CACNB2: variants seen among roughly 807,000 people sequenced by gnomAD.
CACNB2 encodes the protein calcium voltage-gated channel auxiliary subunit beta 2.
In CACNB2, 42 loss-of-function variants were observed where a neutral mutation model predicts 73.3. The ratio of observed to expected loss-of-function variants is 0.57; its 90% CI spans 0.45 to 0.74. The LOEUF (loss-of-function observed/expected upper bound fraction) is 0.74, where lower values mean the gene tolerates loss of function less well. Among genes scored for constraint, CACNB2 ranks in the 30% least tolerant of loss-of-function variants. The probability of loss-of-function intolerance (pLI) is 0.00; values close to 1 mark genes in which losing one functional copy is unlikely to be tolerated. For missense variants in CACNB2, 940 were observed against 853.0 expected (o/e 1.10, Z -1.27); for synonymous variants, 348 against 310.3 (o/e 1.12, Z -1.28).
chr10:18,372,367 A>T (rs933289155), intron 2 of CACNB2, among the ~76,000 whole-genome samples: 5 of 151,952 alleles, frequency 3.3e-5, no homozygotes, highest in African/African-American at 1.2e-4. Flanking sequence ...ATCCATCTTG[A>T]ATTAGTTTTT....
At chr10:18,365,277 G>C (rs1167262110) in intron 2 of CACNB2, among the ~76,000 whole-genome samples, 1 of 152,188 alleles carries the variant, frequency 6.6e-6, no homozygotes, top group Non-Finnish European at 1.5e-5. Context: ...CTTTGAACGA[G>C]TTATTTACCC....
intron 4 of CACNB2, among the ~76,000 whole-genome samples, chr10:18,499,962 C>A (rs1306043701): frequency 1.3e-5 from 2 of 152,048 alleles, no homozygotes; most frequent in Admixed American, 1.3e-4. Flanking sequence ...CAGAGCAAGA[C>A]CCTGTCTTGA....
At chr10:18,457,906 A>G (rs77944759) in intron 3 of CACNB2, among the ~76,000 whole-genome samples, 3,482 of 152,286 alleles carry the variant, frequency 0.023, 148 homozygotes, top group African/African-American at 0.078. Flanking sequence ...AGGAAAAAAA[A>G]AAGGAGAAAA....
chr10:18,252,860 A>AAGGTAGAC (rs2037142456), intron 2 of CACNB2, among the ~76,000 whole-genome samples: 1 of 152,148 alleles, frequency 6.6e-6, no homozygotes, highest in Non-Finnish European at 1.5e-5. Flanking sequence ...GAACCTCTGA[A>AAGGTAGAC]AGGTAGGCAG....
chr10:18,225,127 C>A (rs1588754980), intron 2 of CACNB2, among the ~76,000 whole-genome samples: 1 of 151,748 alleles, frequency 6.6e-6, no homozygotes, highest in African/African-American at 2.4e-5. Context: ...TTTGGCTGCA[C>A]ATAATAAGCT....
chr10:18,192,106 C>G (rs1405112752), intron 2 of CACNB2, among the ~76,000 whole-genome samples: 1 of 151,576 alleles, frequency 6.6e-6, no homozygotes. Flanking sequence ...AAATCGTCTC[C>G]TCTGATCTCC....
At chr10:18,278,459 C>T (rs1189783344) in intron 2 of CACNB2, among the ~76,000 whole-genome samples, 1 of 151,974 alleles carries the variant, frequency 6.6e-6, no homozygotes, top group African/African-American at 2.4e-5. Context: ...AGGAAGGCCA[C>T]AGTCTTATGT....
At chr10:18,286,398 G>C (rs1228621279) in intron 2 of CACNB2, among the ~76,000 whole-genome samples, 1 of 151,562 alleles carries the variant, frequency 6.6e-6, no homozygotes, top group Non-Finnish European at 1.5e-5. Context: ...GGCGCCTGTA[G>C]TCCCAGCTAC....
At chr10:18,502,308 A>AG (rs1033064115) in intron 5 of CACNB2, among the ~76,000 whole-genome samples, 7 of 24,846 alleles carry the variant, frequency 2.8e-4, no homozygotes, top group African/African-American at 2.1e-3. Flanking sequence ...ACTCTATCTC[A>AG]AAAAAAAAAG....
chr10:18,353,655 G>T (rs991727332), intron 2 of CACNB2, among the ~76,000 whole-genome samples: 3 of 152,164 alleles, frequency 2.0e-5, no homozygotes, highest in African/African-American at 4.8e-5. Flanking sequence ...TGATAAGAAA[G>T]AATACAATAT....
At chr10:18,503,246 G>A (rs976396085) in intron 5 of CACNB2, among the ~76,000 whole-genome samples, 2 of 152,154 alleles carry the variant, frequency 1.3e-5, no homozygotes, top group Non-Finnish European at 2.9e-5. Flanking sequence ...TGTTCCATTG[G>A]CCTTATTTTG....
chr10:18,409,252 C>T (rs570329251), intron 3 of CACNB2, among the ~76,000 whole-genome samples: 16 of 150,212 alleles, frequency 1.1e-4, no homozygotes, highest in African/African-American at 3.7e-4. Context: ...GAGCCGAGGT[C>T]GTGCCATTGC....
chr10:18,150,880 T>TTTTTTTTTC lies in CACNB2; in HGVS notation c.121-3_121-2insTTTTTTTTC. On this transcript the variant is annotated splice_polypyrimidine_tract_variant and splice_region_variant and intron_variant, in intron 1 of 13. Transcript: ENST00000324631. ...CTTTTTTTTTTTTTTTTTTTTTTTT[T>TTTTTTTTTC]AGTCATATGGAAAAGGAGCCAGAAG... The TTTTTTTTTC allele has an allele frequency of 3.1e-6, 4 of 1,300,364 alleles. No individual in the cohort carries two copies. Among genetic ancestry groups the TTTTTTTTTC allele is most frequent in the Non-Finnish European group, 4.2e-6 (4 of 943,296 alleles). The allele number at this position is 1,300,364 out of a possible 1,614,324, so 80.6% of individuals were successfully genotyped here. A position where few individuals can be genotyped will look rare whatever the true frequency, so the allele number is the denominator to read the frequency against.
chr10:18,469,668 G>C (rs1290360528), intron 3 of CACNB2, among the ~76,000 whole-genome samples: 1 of 152,160 alleles, frequency 6.6e-6, no homozygotes, highest in East Asian at 1.9e-4. Flanking sequence ...TACAAATTGA[G>C]GCTCAGAGAG....
intron 2 of CACNB2, among the ~76,000 whole-genome samples, chr10:18,167,832 T>C (rs1414817591): frequency 1.3e-5 from 2 of 152,180 alleles, no homozygotes; most frequent in Non-Finnish European, 2.9e-5. Context: ...TAAATGCAGC[T>C]TTAAGACACG....
intron 2 of CACNB2, among the ~76,000 whole-genome samples, chr10:18,214,778 T>TTTTA (rs1311102529): frequency 1.3e-5 from 2 of 152,034 alleles, no homozygotes; most frequent in East Asian, 3.9e-4. Flanking sequence ...GTTGATGTAA[T>TTTTA]AGGACACATT....
chr10:18,146,863 TCCACC>T (rs1460812613), intron 1 of CACNB2, among the ~76,000 whole-genome samples: 1 of 152,182 alleles, frequency 6.6e-6, no homozygotes, highest in Non-Finnish European at 1.5e-5. Flanking sequence ...CCTCAGGTGG[TCCACC>T]CACATTGCTT....
intron 3 of CACNB2, among the ~76,000 whole-genome samples, chr10:18,472,784 GT>G (rs1359217269): frequency 6.6e-6 from 1 of 152,152 alleles, no homozygotes; most frequent in Non-Finnish European, 1.5e-5. Flanking sequence ...TTTCAGAGAG[GT>G]TTGGTTCTCA....
rs2034283672 is a variant in CACNB2 at position 18,189,117 on chromosome 10, G to A, written c.213+38142G>A. Among the ~76,000 whole-genome samples, 2 of 152,054 alleles carry A rather than the reference G, an allele frequency of 1.3e-5. 1 individual carries two copies. Among genetic ancestry groups the A allele is most frequent in the South Asian group, 4.1e-4 (2 of 4,822 alleles). ...GCTGGTACTACAGGTGTGTACTACT[G>A]TGTCCAACTACAGATTGTTTGTTTT... On this transcript the variant is annotated intron_variant, in intron 2 of 13. Transcript: ENST00000324631.
Sources: gnomAD v4.1 joint callset for allele counts (sites outside exome capture counted in the v4.1 genomes callset) on GRCh38, gnomAD v4.1.1 for gene constraint, MANE v1.5 for transcripts, NCBI Gene and HGNC (gene_info 2026-07-23, HGNC 2026-07-21) for gene names.